ALG9: variants seen among roughly 807,000 people sequenced by gnomAD.
ALG9 encodes ALG9 alpha-1,2-mannosyltransferase, also known as alpha-1,2-mannosyltransferase ALG9.
ALG9 carries 55 observed loss-of-function variants against 81.8 expected under a neutral mutation model. That is an observed-to-expected ratio of 0.67 (90% confidence interval 0.54 to 0.84). The LOEUF (loss-of-function observed/expected upper bound fraction) is 0.84, where lower values mean the gene tolerates loss of function less well. ALG9 is among the 40% of genes least tolerant of loss of function. ALG9 has a pLI of 0.00. For missense variants in ALG9, 629 were observed against 745.0 expected (o/e 0.84, Z 1.81); for synonymous variants, 278 against 274.3 (o/e 1.01, Z -0.13).
chr11:111,812,683 G>A (rs1287814188), intron 13 of ALG9, among the ~76,000 whole-genome samples: 5 of 152,202 alleles, frequency 3.3e-5, no homozygotes, highest in South Asian at 2.1e-4. Context: ...TTGGGAGGCC[G>A]AGGCAGGTGG....
intron 14 of ALG9, among the ~76,000 whole-genome samples, chr11:111,789,824 A>T (rs1947117614): frequency 1.3e-5 from 2 of 151,652 alleles, no homozygotes; most frequent in Non-Finnish European, 2.9e-5. Context: ...TGTCTCAAAA[A>T]AAAAAAAACT....
intron 4 of ALG9, among the ~76,000 whole-genome samples, chr11:111,864,706 T>A (rs1015377011): frequency 5.9e-5 from 9 of 152,024 alleles, no homozygotes; most frequent in Non-Finnish European, 1.0e-4. Flanking sequence ...AAAAAAAAAG[T>A]TTTCTTTCCC....
intron 5 of ALG9, among the ~76,000 whole-genome samples, chr11:111,859,697 T>A (rs1959332861): frequency 6.6e-6 from 1 of 151,906 alleles, no homozygotes; most frequent in Admixed American, 6.6e-5. Flanking sequence ...TAGGACAGGC[T>A]CTCAAAGTCA....
At chr11:111,862,555 C>T (rs1960676204) in intron 4 of ALG9, among the ~76,000 whole-genome samples, 1 of 151,476 alleles carries the variant, frequency 6.6e-6, no homozygotes, top group East Asian at 1.9e-4. Flanking sequence ...ATTTCTTAAC[C>T]TTTTCTATAT....
intron 6 of ALG9, among the ~76,000 whole-genome samples, chr11:111,856,707 CTGTGG>C: frequency 6.6e-6 from 1 of 150,600 alleles, no homozygotes. Flanking sequence ...CCTAAATTAC[CTGTGG>C]TACAGGTAAG....
chr11:111,871,133 A>C (rs963308512), intron 1 of ALG9: 5 of 1,263,134 alleles, frequency 4.0e-6, no homozygotes, highest in Non-Finnish European at 5.0e-6. Flanking sequence ...TCCGCACTCC[A>C]AGGCAGTTTT....
At chr11:111,798,975 T>G (rs976580929) in intron 14 of ALG9, among the ~76,000 whole-genome samples, 14 of 152,194 alleles carry the variant, frequency 9.2e-5, no homozygotes, top group Middle Eastern at 3.2e-3. Flanking sequence ...AGTAAGTACT[T>G]CTCCATCACT....
intron 9 of ALG9, 142 bp downstream of exon 9, chr11:111,844,459 A>T: frequency 8.0e-7 from 1 of 1,242,732 alleles, no homozygotes; most frequent in South Asian, 1.3e-5. Context: ...ATCAACAAAC[A>T]CAGACTGAAA....
At chr11:111,835,461 T>C (rs1955080434) in intron 13 of ALG9, among the ~76,000 whole-genome samples, 1 of 152,202 alleles carries the variant, frequency 6.6e-6, no homozygotes, top group Admixed American at 6.5e-5. Flanking sequence ...GCATTCAGTA[T>C]GGAAACAGTC....
the ALG9 span, among the ~76,000 whole-genome samples, chr11:111,768,264 C>A: frequency 1.3e-5 from 2 of 152,102 alleles, no homozygotes; most frequent in African/African-American, 2.4e-5. Context: ...AGTAACAATA[C>A]GACGGATGAC....
intron 9 of ALG9, among the ~76,000 whole-genome samples, chr11:111,841,407 A>T (rs560559702): frequency 5.3e-5 from 8 of 152,324 alleles, no homozygotes; most frequent in African/African-American, 1.9e-4. Flanking sequence ...TTTTCTCTCC[A>T]TTTTGCAATA....
intron 4 of ALG9, among the ~76,000 whole-genome samples, chr11:111,864,771 T>A (rs565642332): frequency 6.6e-6 from 1 of 152,250 alleles, no homozygotes; most frequent in African/African-American, 2.4e-5. Context: ...GAAAGTGTTT[T>A]CTACTTCTTT....
chr11:111,818,877 G>A (rs371838854), intron 13 of ALG9, among the ~76,000 whole-genome samples: 30 of 152,210 alleles, frequency 2.0e-4, no homozygotes, highest in African/African-American at 6.7e-4. Flanking sequence ...AGGTAAAAGA[G>A]CAGAAGAGAG....
intron 14 of ALG9, among the ~76,000 whole-genome samples, chr11:111,796,750 C>T (rs1555075623): frequency 6.6e-6 from 1 of 152,108 alleles, no homozygotes; most frequent in Non-Finnish European, 1.5e-5. Context: ...AGTATAGAAA[C>T]TCTGATCTCT....
downstream of ALG9, among the ~76,000 whole-genome samples, chr11:111,780,245 C>T (rs959603792): frequency 6.6e-6 from 1 of 152,180 alleles, no homozygotes; most frequent in Admixed American, 6.5e-5. Flanking sequence ...GGTACCCTTT[C>T]TCTCTTTTTA....
At chr11:111,807,035 T>C (rs1167610078) in intron 14 of ALG9, among the ~76,000 whole-genome samples, 1 of 152,184 alleles carries the variant, frequency 6.6e-6, no homozygotes, top group East Asian at 1.9e-4. Flanking sequence ...CTCTCCCTGA[T>C]CTGAAGAACC....
chr11:111,854,899 G>C (rs1408018719), intron 6 of ALG9, among the ~76,000 whole-genome samples: 1 of 152,216 alleles, frequency 6.6e-6, no homozygotes, highest in Non-Finnish European at 1.5e-5. Flanking sequence ...ACAGTATACT[G>C]ATTGCTAACT....
chr11:111,768,441 G>A, the ALG9 span, among the ~76,000 whole-genome samples: 7 of 151,412 alleles, frequency 4.6e-5, no homozygotes, highest in African/African-American at 1.2e-4. Flanking sequence ...CTTTATATTC[G>A]TAAATTTAAA....
intron 13 of ALG9, among the ~76,000 whole-genome samples, chr11:111,825,797 C>T (rs1254913553): frequency 6.6e-6 from 1 of 152,124 alleles, no homozygotes; most frequent in Non-Finnish European, 1.5e-5. Context: ...CCTGTAATCC[C>T]AGCACTTTGG....
Sources: allele counts gnomAD v4.1 joint callset (sites outside exome capture counted in the v4.1 genomes callset), GRCh38; gene constraint gnomAD v4.1.1; transcripts MANE v1.5; gene names NCBI Gene and HGNC (gene_info 2026-07-23, HGNC 2026-07-21).